The following CSMD3 variants were observed in gnomAD, a reference collection of about 807,000 sequenced individuals.
CSMD3 encodes the protein CUB and Sushi multiple domains 3, also known as CUB and sushi domain-containing protein 3.
A neutral mutation model predicts 435.2 loss-of-function variants in CSMD3; 177 were observed. The ratio of observed to expected loss-of-function variants is 0.41; its 90% confidence interval spans 0.36 to 0.46. CSMD3 has a LOEUF of 0.46. Among genes scored for constraint, CSMD3 ranks in the 20% least tolerant of loss-of-function variants. CSMD3 has a pLI of 0.34. For missense variants in CSMD3, 4,265 were observed against 4,504.6 expected (o/e 0.95, Z 1.52); for synonymous variants, 1,656 against 1,520.5 (o/e 1.09, Z -2.07).
intron 2 of CSMD3, among the ~76,000 whole-genome samples, chr8:113,280,536 T>G (rs1287054749): frequency 3.3e-5 from 5 of 152,002 alleles, no homozygotes; most frequent in Admixed American, 3.3e-4. Flanking sequence ...TTAGTGAGGT[T>G]ATTTGGATTT....
chr8:113,395,608 C>CAAA (rs34549872), intron 1 of CSMD3, among the ~76,000 whole-genome samples: 6 of 110,682 alleles, frequency 5.4e-5, no homozygotes, highest in African/African-American at 9.6e-5. Flanking sequence ...GACTCCGTCT[C>CAAA]AAAAAAAAAA....
At chr8:113,339,283 T>G (rs2094100727) in intron 1 of CSMD3, among the ~76,000 whole-genome samples, 1 of 151,946 alleles carries the variant, frequency 6.6e-6, no homozygotes. Flanking sequence ...AATGTCTCAT[T>G]GTCTTTGAGT....
intron 66 of CSMD3, among the ~76,000 whole-genome samples, chr8:112,240,185 T>C (rs1253178415): frequency 2.6e-5 from 4 of 152,130 alleles, no homozygotes; most frequent in Non-Finnish European, 5.9e-5. Context: ...TATTTCCTCA[T>C]TGAACTTTAA....
intron 2 of CSMD3, among the ~76,000 whole-genome samples, chr8:113,307,392 A>G (rs2093829919): frequency 6.6e-6 from 1 of 152,158 alleles, no homozygotes; most frequent in Admixed American, 6.5e-5. Context: ...CATCTTCAAG[A>G]AGAATCACAG....
At chr8:112,502,588 G>A (rs1056595041) in intron 30 of CSMD3, among the ~76,000 whole-genome samples, 5 of 152,114 alleles carry the variant, frequency 3.3e-5, no homozygotes, top group Admixed American at 2.6e-4. Context: ...AATTTATCGT[G>A]ACCTCTTACG....
At chr8:113,006,828 A>T (rs912882240) in intron 6 of CSMD3, among the ~76,000 whole-genome samples, 5 of 151,944 alleles carry the variant, frequency 3.3e-5, no homozygotes, top group African/African-American at 1.2e-4. Flanking sequence ...GTCCATTTAG[A>T]TGCATCCATC....
intron 27 of CSMD3, 130 bp downstream of exon 27, chr8:112,550,541 A>T (rs1161340057): frequency 3.3e-6 from 2 of 604,688 alleles, no homozygotes; most frequent in Admixed American, 5.7e-5. Context: ...GCAGAAATAT[A>T]GGAAGACTAG....
At chr8:113,058,483 A>T (rs573862544) in intron 5 of CSMD3, among the ~76,000 whole-genome samples, 2 of 152,062 alleles carry the variant, frequency 1.3e-5, no homozygotes, top group East Asian at 3.9e-4. Context: ...TAGTACAGAA[A>T]AATGTTGGAA....
chr8:113,054,729 TC>T (rs1326046727), intron 5 of CSMD3, among the ~76,000 whole-genome samples: 1 of 152,178 alleles, frequency 6.6e-6, no homozygotes, highest in Middle Eastern at 3.2e-3. Flanking sequence ...AAAGTGATAC[TC>T]CTGGAAAAAA....
chr8:113,268,090 T>A (rs184532091), intron 3 of CSMD3, among the ~76,000 whole-genome samples: 1 of 151,742 alleles, frequency 6.6e-6, no homozygotes, highest in African/African-American at 2.4e-5. Flanking sequence ...TCTCATATAC[T>A]CTTTCACCTA....
intron 1 of CSMD3, among the ~76,000 whole-genome samples, chr8:113,336,629 G>A (rs377369891): frequency 3.3e-5 from 5 of 152,058 alleles, no homozygotes; most frequent in African/African-American, 4.8e-5. Context: ...CTGTCAGGTC[G>A]AAGAAGTCCA....
chr8:113,131,151 T>C (rs969780427), intron 4 of CSMD3, among the ~76,000 whole-genome samples: 2 of 152,044 alleles, frequency 1.3e-5, no homozygotes, highest in African/African-American at 4.8e-5. Flanking sequence ...CAACTGACCA[T>C]GTGGTAGAAT....
intron 25 of CSMD3, among the ~76,000 whole-genome samples, chr8:112,555,306 A>G (rs1268231464): frequency 6.6e-6 from 1 of 152,134 alleles, no homozygotes; most frequent in Non-Finnish European, 1.5e-5. Flanking sequence ...ACACATAAAA[A>G]TATATATGCT....
intron 13 of CSMD3, among the ~76,000 whole-genome samples, chr8:112,770,481 CA>C (rs1470783174): frequency 6.6e-6 from 1 of 151,978 alleles, no homozygotes; most frequent in Non-Finnish European, 1.5e-5. Context: ...GTGAGAAATA[CA>C]TTTCTTTTTT....
intron 13 of CSMD3, among the ~76,000 whole-genome samples, chr8:112,754,635 A>C (rs1446601408): frequency 6.6e-6 from 1 of 152,182 alleles, no homozygotes; most frequent in Non-Finnish European, 1.5e-5. Context: ...GACTTTAAGC[A>C]TTCAGCAAAT....
intron 27 of CSMD3, among the ~76,000 whole-genome samples, chr8:112,549,239 T>C (rs547778893): frequency 6.6e-6 from 1 of 152,160 alleles, no homozygotes; most frequent in South Asian, 2.1e-4. Context: ...TGACAAATTG[T>C]TCCCACTTAA....
chr8:112,413,636 C>T (rs569119257), intron 32 of CSMD3, among the ~76,000 whole-genome samples: 1 of 152,270 alleles, frequency 6.6e-6, no homozygotes, highest in East Asian at 1.9e-4. Flanking sequence ...TGGAATATGT[C>T]ATAATGCACT....
At chr8:112,482,172 C>T (rs1317664702) in intron 31 of CSMD3, among the ~76,000 whole-genome samples, 1 of 152,162 alleles carries the variant, frequency 6.6e-6, no homozygotes, top group Non-Finnish European at 1.5e-5. Flanking sequence ...CTTCATCCCT[C>T]AGTGCTCTGT....
At chr8:112,572,054 G>T (rs1362328012) in intron 24 of CSMD3, among the ~76,000 whole-genome samples, 1 of 151,084 alleles carries the variant, frequency 6.6e-6, no homozygotes, top group Non-Finnish European at 1.5e-5. Context: ...AAAAAAGTTT[G>T]CCCATCTGAG....
Sources: allele counts gnomAD v4.1 joint callset (sites outside exome capture counted in the v4.1 genomes callset), GRCh38; gene constraint gnomAD v4.1.1; transcripts MANE v1.5; gene names NCBI Gene and HGNC (gene_info 2026-07-23, HGNC 2026-07-21).